Variants in DTNBP1 observed in about 807,000 individuals in gnomAD.
The protein encoded by DTNBP1 is dysbindin.
DTNBP1 carries 35 observed loss-of-function variants against 42.8 expected under a neutral mutation model. That is an observed-to-expected ratio of 0.82 (90% confidence interval 0.63 to 1.09). The LOEUF (loss-of-function observed/expected upper bound fraction) is 1.09. DTNBP1 is among the 50% of genes least tolerant of loss of function. DTNBP1 has a pLI of 0.00. For synonymous variants in DTNBP1, 171 were observed against 162.2 expected, an observed-to-expected ratio of 1.05 and a Z score of -0.41; for missense variants, 457 against 424.2, an observed-to-expected ratio of 1.08 and a Z score of -0.68.
At chr6:15,662,373 A>C (rs1275530115) in intron 1 of DTNBP1, among the ~76,000 whole-genome samples, 1 of 152,078 alleles carries the variant, frequency 6.6e-6, no homozygotes, top group African/African-American at 2.4e-5. Context: ...GTGCGATCCG[A>C]CTCGGGGAGG....
chr6:15,564,259 A>G (rs1774968997), intron 7 of DTNBP1, among the ~76,000 whole-genome samples: 2 of 152,148 alleles, frequency 1.3e-5, no homozygotes, highest in Admixed American at 1.3e-4. Flanking sequence ...TTCAAAATAT[A>G]TTACTGAGAA....
At chr6:15,532,072 G>A (rs900029188) in intron 8 of DTNBP1, among the ~76,000 whole-genome samples, 1 of 152,216 alleles carries the variant, frequency 6.6e-6, no homozygotes, top group Non-Finnish European at 1.5e-5. Flanking sequence ...AAAGGATGAA[G>A]GCTGAGATTT....
At chr6:15,622,097 T>C (rs148677037) in intron 5 of DTNBP1, among the ~76,000 whole-genome samples, 23 of 152,360 alleles carry the variant, frequency 1.5e-4, no homozygotes, top group Middle Eastern at 3.4e-3. Context: ...TTTCTGGTGA[T>C]AGAATGATTT....
intron 5 of DTNBP1, among the ~76,000 whole-genome samples, chr6:15,620,296 C>A (rs1478108529): frequency 6.6e-6 from 1 of 152,104 alleles, no homozygotes; most frequent in African/African-American, 2.4e-5. Flanking sequence ...TAAAGAATGT[C>A]ATAAATGGTA....
intron 3 of DTNBP1, among the ~76,000 whole-genome samples, chr6:15,642,060 G>A (rs1054274757): frequency 3.3e-5 from 5 of 152,040 alleles, no homozygotes; most frequent in African/African-American, 9.7e-5. Context: ...ATCTTGTAGC[G>A]GCTCCACCTC....
chr6:15,620,399 G>A (rs988518917), intron 5 of DTNBP1, among the ~76,000 whole-genome samples: 1 of 152,074 alleles, frequency 6.6e-6, no homozygotes, highest in South Asian at 2.1e-4. Context: ...CTATGACCTG[G>A]CTGGTCTTGA....
intron 7 of DTNBP1, among the ~76,000 whole-genome samples, chr6:15,574,751 T>G (rs1028019667): frequency 7.2e-5 from 11 of 152,140 alleles, no homozygotes; most frequent in African/African-American, 2.7e-4. Flanking sequence ...TCTCTGGAAT[T>G]ACTTGGTCAT....
At chr6:15,527,951 A>G (rs1361489784) in intron 8 of DTNBP1, among the ~76,000 whole-genome samples, 1 of 152,216 alleles carries the variant, frequency 6.6e-6, no homozygotes, top group Non-Finnish European at 1.5e-5. Flanking sequence ...AACTCTTCAA[A>G]TAGAGTAGTC....
At chr6:15,614,851 C>G (rs907324913) in intron 6 of DTNBP1, among the ~76,000 whole-genome samples, 1 of 152,176 alleles carries the variant, frequency 6.6e-6, no homozygotes, top group South Asian at 2.1e-4. Context: ...TAGTGTGTGA[C>G]CGAGCTGAGA....
At chr6:15,627,272 A>T in intron 5 of DTNBP1, 71 bp downstream of exon 5, 1 of 1,590,552 alleles carries the variant, frequency 6.3e-7, no homozygotes, top group African/African-American at 1.3e-5. Context: ...AAAAGCTCTG[A>T]AATTACACCA....
chr6:15,576,492 T>C (rs1775578891), intron 7 of DTNBP1, among the ~76,000 whole-genome samples: 1 of 151,644 alleles, frequency 6.6e-6, no homozygotes, highest in Non-Finnish European at 1.5e-5. Flanking sequence ...AAATGTATTT[T>C]AGGCTGGTAG....
chr6:15,556,509 C>T (rs868740292), intron 7 of DTNBP1, among the ~76,000 whole-genome samples: 3 of 152,144 alleles, frequency 2.0e-5, no homozygotes, highest in African/African-American at 4.8e-5. Context: ...TTGCCTTGTG[C>T]TCTTTGCTGT....
chr6:15,533,176 G>A, intron 8 of DTNBP1, 64 bp downstream of exon 8: 1 of 1,604,356 alleles, frequency 6.2e-7, no homozygotes, highest in Non-Finnish European at 8.5e-7. Context: ...TCTGGGGAGA[G>A]GGGTCCATCG....
At chr6:15,660,173 T>G (rs1383445786) in intron 1 of DTNBP1, among the ~76,000 whole-genome samples, 1 of 152,198 alleles carries the variant, frequency 6.6e-6, no homozygotes, top group African/African-American at 2.4e-5. Flanking sequence ...AGCATTGCAT[T>G]TATGTAATAT....
intron 1 of DTNBP1, among the ~76,000 whole-genome samples, chr6:15,657,192 T>A (rs539758503): frequency 6.6e-6 from 1 of 152,178 alleles, no homozygotes; most frequent in Non-Finnish European, 1.5e-5. Flanking sequence ...CCCAAATACA[T>A]GGCTTCAAGT....
intron 6 of DTNBP1, among the ~76,000 whole-genome samples, chr6:15,608,333 T>C (rs1466470346): frequency 6.6e-6 from 1 of 152,138 alleles, no homozygotes; most frequent in Non-Finnish European, 1.5e-5. Flanking sequence ...AGTTTAATAA[T>C]TCAAGTTATA....
rs548568882 is a variant in DTNBP1, at chr6:15,573,956, C to T, written c.511+19103G>A. On this transcript the variant is annotated intron_variant, in intron 7 of 9. Coordinates refer to ENST00000344537, the MANE Select transcript of DTNBP1 (RefSeq NM_032122.5). The stretch of plus-strand genomic sequence containing the variant: ...TCCTGACCTCGTGATCCACCCACCT[C>T]GGCCTCCCAAAGTGTCGGGATTACA... Among the ~76,000 whole-genome samples the T allele has an allele frequency of 3.9e-5, 6 of 152,254 alleles. No individual in the cohort carries two copies. The East Asian group carries it at 1.2e-3, about 29-fold the overall frequency.
chr6:15,574,010 T>C (rs1365603087), intron 7 of DTNBP1, among the ~76,000 whole-genome samples: 1 of 152,188 alleles, frequency 6.6e-6, no homozygotes, highest in Non-Finnish European at 1.5e-5. Context: ...CAGACTCTCC[T>C]TTGTTAAAAG....
chr6:15,552,134 G>A (rs573294928), intron 7 of DTNBP1, among the ~76,000 whole-genome samples: 1 of 152,294 alleles, frequency 6.6e-6, no homozygotes, highest in East Asian at 1.9e-4. Flanking sequence ...AATCAGTGCA[G>A]GAGGTATCCA....
Sources: allele counts gnomAD v4.1 joint callset (sites outside exome capture counted in the v4.1 genomes callset), GRCh38; gene constraint gnomAD v4.1.1; transcripts MANE v1.5; gene names NCBI Gene and HGNC (gene_info 2026-07-23, HGNC 2026-07-21).